NLGN1: variants seen among roughly 807,000 people sequenced by gnomAD.
The protein encoded by NLGN1 is neuroligin 1.
A neutral mutation model predicts 65.5 loss-of-function variants in NLGN1; 12 were observed. The ratio of observed to expected loss-of-function variants is 0.18; its 90% CI spans 0.12 to 0.30. The LOEUF is 0.30. NLGN1 is among the 10% of genes least tolerant of loss of function. The pLI is 1.00. For synonymous variants in NLGN1, 350 were observed against 359.5 expected, an observed-to-expected ratio of 0.97 and a Z score of 0.30; for missense variants, 750 against 1,007.1, an observed-to-expected ratio of 0.74 and a Z score of 3.46.
intron 2 of NLGN1, among the ~76,000 whole-genome samples, chr3:173,518,059 A>C (rs1425651135): frequency 6.6e-6 from 1 of 152,122 alleles, no homozygotes; most frequent in Non-Finnish European, 1.5e-5. Context: ...TAATTTTGAA[A>C]GGTTTTACTA....
chr3:174,068,253 ATGT>A (rs1320297249), intron 4 of NLGN1, among the ~76,000 whole-genome samples: 1 of 152,100 alleles, frequency 6.6e-6, no homozygotes, highest in Non-Finnish European at 1.5e-5. Context: ...CACAGCAAAA[ATGT>A]TGTATAGAAT....
At chr3:173,763,717 G>T (rs1778348203) in intron 3 of NLGN1, among the ~76,000 whole-genome samples, 2 of 151,836 alleles carry the variant, frequency 1.3e-5, no homozygotes, top group African/African-American at 4.8e-5. Flanking sequence ...ATAAGAAAAA[G>T]GGGAGGTATG....
intron 4 of NLGN1, among the ~76,000 whole-genome samples, chr3:174,138,623 A>T (rs1356510145): frequency 6.6e-6 from 1 of 151,822 alleles, no homozygotes; most frequent in East Asian, 2.0e-4. Flanking sequence ...TTTAGTAGAG[A>T]TGGGGTTTCA....
At chr3:173,756,531 G>A (rs2150184101) in intron 3 of NLGN1, among the ~76,000 whole-genome samples, 1 of 151,684 alleles carries the variant, frequency 6.6e-6, no homozygotes, top group South Asian at 2.1e-4. Context: ...CAATATGTGT[G>A]TGTGTAAATG....
intron 4 of NLGN1, among the ~76,000 whole-genome samples, chr3:173,809,047 T>C (rs954699539): frequency 9.9e-5 from 15 of 152,040 alleles, no homozygotes; most frequent in African/African-American, 3.6e-4. Flanking sequence ...TCTCAGTCAT[T>C]TTCTAGTTTG....
At chr3:173,628,119 T>C (rs1037639277) in intron 3 of NLGN1, among the ~76,000 whole-genome samples, 6 of 152,174 alleles carry the variant, frequency 3.9e-5, no homozygotes, top group Admixed American at 2.0e-4. Flanking sequence ...CCCACCTGGA[T>C]AAGCAAGCTT....
intron 4 of NLGN1, among the ~76,000 whole-genome samples, chr3:174,152,025 C>T (rs1018764851): frequency 2.0e-5 from 3 of 152,106 alleles, no homozygotes; most frequent in Non-Finnish European, 2.9e-5. Flanking sequence ...CTTTGCGTAT[C>T]TGTTCTAATA....
At chr3:173,439,640 G>A (rs1373542522) in intron 2 of NLGN1, among the ~76,000 whole-genome samples, 1 of 147,712 alleles carries the variant, frequency 6.8e-6, no homozygotes, top group African/African-American at 2.5e-5. Flanking sequence ...AATTTTTTTT[G>A]TTTCTCTAGT....
intron 3 of NLGN1, among the ~76,000 whole-genome samples, chr3:173,645,890 A>G (rs1758176779): frequency 6.6e-6 from 1 of 152,144 alleles, no homozygotes; most frequent in African/African-American, 2.4e-5. Flanking sequence ...CTCGGCCCCC[A>G]CCCAGTGAGG....
chr3:173,419,537 A>G (rs1396593222), intron 1 of NLGN1, among the ~76,000 whole-genome samples: 1 of 152,208 alleles, frequency 6.6e-6, no homozygotes, highest in East Asian at 1.9e-4. Flanking sequence ...ATTAATGTGA[A>G]TTGGAAAATA....
chr3:174,011,058 C>T (rs1725451265), intron 4 of NLGN1, among the ~76,000 whole-genome samples: 1 of 151,986 alleles, frequency 6.6e-6, no homozygotes, highest in South Asian at 2.1e-4. Flanking sequence ...TATGAATAGC[C>T]CCCTCAGTGG....
intron 2 of NLGN1, among the ~76,000 whole-genome samples, chr3:173,537,280 ATAAC>A (rs1279105012): frequency 6.6e-6 from 1 of 152,192 alleles, no homozygotes; most frequent in Non-Finnish European, 1.5e-5. Context: ...AATAAAAACA[ATAAC>A]TAGGTTATAA....
In NLGN1 at chr3:173,747,809, T is replaced by C. The variant is rs1365955188; in HGVS notation, c.494-59871T>C. 3.2e-5 allele frequency among the ~76,000 whole-genome samples: 4 copies of C among 123,304 alleles called. 1 individual carries two copies. Among genetic ancestry groups the C allele is most frequent in the African/African-American group, 6.6e-5 (2 of 30,292 alleles). The allele number at this position is 123,304 out of a possible 152,430, so 80.9% of individuals were successfully genotyped here. A position where few individuals can be genotyped will look rare whatever the true frequency, so the allele number is the denominator to read the frequency against. On this transcript the variant is annotated intron_variant, in intron 3 of 6. Transcript: ENST00000457714. Reference sequence around the variant, plus strand: ...TTCTTCTTCTTCTTGTTCTTTTTTTTTTTTTTTTTTTTTTTTTTTTTTGAG... The same window carrying C: ...TTCTTCTTCTTCTTGTTCTTTTTTTCTTTTTTTTTTTTTTTTTTTTTTGAG...
At chr3:173,662,295 A>G (rs1475892941) in intron 3 of NLGN1, among the ~76,000 whole-genome samples, 1 of 152,012 alleles carries the variant, frequency 6.6e-6, no homozygotes, top group Admixed American at 6.6e-5. Context: ...AACTGAGACT[A>G]AAATAATTTG....
intron 3 of NLGN1, among the ~76,000 whole-genome samples, chr3:173,681,372 A>G (rs1474554078): frequency 1.3e-5 from 2 of 152,202 alleles, no homozygotes; most frequent in Non-Finnish European, 2.9e-5. Context: ...AAAGGCAAGG[A>G]TGAATTTGCA....
At chr3:173,529,191 C>G (rs909118699) in intron 2 of NLGN1, among the ~76,000 whole-genome samples, 3 of 152,130 alleles carry the variant, frequency 2.0e-5, no homozygotes, top group African/African-American at 7.2e-5. Context: ...TTTGGCTTTG[C>G]TTCTATGGTC....
At chr3:173,563,488 T>C (rs773425275) in intron 2 of NLGN1, among the ~76,000 whole-genome samples, 5 of 152,210 alleles carry the variant, frequency 3.3e-5, no homozygotes, top group Non-Finnish European at 7.3e-5. Context: ...TAAAGTTAAA[T>C]TTAATGCTGA....
At chr3:173,661,042 G>T (rs1760851340) in intron 3 of NLGN1, among the ~76,000 whole-genome samples, 1 of 151,962 alleles carries the variant, frequency 6.6e-6, no homozygotes, top group Non-Finnish European at 1.5e-5. Flanking sequence ...AATGAGTAGT[G>T]TCCAGTGAAG....
At chr3:174,220,753 G>C (rs17788772) in intron 4 of NLGN1, among the ~76,000 whole-genome samples, 15,877 of 152,008 alleles carry the variant, frequency 0.1, 1,090 homozygotes, top group Admixed American at 0.15. Flanking sequence ...TGCTTTCCCT[G>C]TACCTGAATT....
Sources: allele counts gnomAD v4.1 joint callset (sites outside exome capture counted in the v4.1 genomes callset), GRCh38; gene constraint gnomAD v4.1.1; transcripts MANE v1.5; gene names NCBI Gene and HGNC (gene_info 2026-07-23, HGNC 2026-07-21).